S100Z: variants seen among roughly 807,000 people sequenced by gnomAD.
The protein encoded by S100Z is S100 calcium binding protein Z.
A neutral mutation model predicts 8.5 loss-of-function variants in S100Z; 11 were observed. The ratio of observed to expected loss-of-function variants is 1.30; its 90% CI spans 0.82 to 2.15. The LOEUF is 2.15. Among genes scored for constraint, S100Z ranks in the 30% most tolerant of loss-of-function variants. S100Z has a pLI of 0.00. For missense variants in S100Z, 126 were observed against 117.9 expected, an observed-to-expected ratio of 1.07 and a Z score of -0.32; for synonymous variants, 34 against 43.8, an observed-to-expected ratio of 0.78 and a Z score of 0.89.
At chr5:76,900,561 G>C (rs917327971) in intron 4 of S100Z, among the ~76,000 whole-genome samples, 1 of 151,992 alleles carries the variant, frequency 6.6e-6, no homozygotes, top group African/African-American at 2.4e-5. Flanking sequence ...TTTAGCTTCA[G>C]AATTTCTGCT....
chr5:76,865,112 G>A (rs1401678734), intron 1 of S100Z, among the ~76,000 whole-genome samples: 1 of 152,154 alleles, frequency 6.6e-6, no homozygotes, highest in Non-Finnish European at 1.5e-5. Context: ...TGTTATCACA[G>A]ATGCCAGCTC....
chr5:76,942,014 G>A, the S100Z span, among the ~76,000 whole-genome samples: 1 of 151,898 alleles, frequency 6.6e-6, no homozygotes, highest in Non-Finnish European at 1.5e-5. Flanking sequence ...AGTTGGTTCT[G>A]GATGTTTACT....
At chr5:76,896,170 G>A (rs867289549) in intron 4 of S100Z, among the ~76,000 whole-genome samples, 24 of 151,856 alleles carry the variant, frequency 1.6e-4, no homozygotes, top group East Asian at 3.9e-4. Flanking sequence ...CATCCCCACC[G>A]TCCTCCCCAA....
the S100Z span, among the ~76,000 whole-genome samples, chr5:76,949,282 G>A: frequency 3.9e-4 from 60 of 152,180 alleles, no homozygotes; most frequent in African/African-American, 1.3e-3. Flanking sequence ...CCAGCTACTC[G>A]GGAGGCTGAG....
At chr5:76,867,448 T>G (rs1319320790) in intron 1 of S100Z, among the ~76,000 whole-genome samples, 2 of 152,186 alleles carry the variant, frequency 1.3e-5, no homozygotes, top group Admixed American at 6.5e-5. Flanking sequence ...CCTGCCCGGT[T>G]GACAGGATGC....
intron 1 of S100Z, among the ~76,000 whole-genome samples, chr5:76,854,150 A>G (rs1310901699): frequency 6.6e-6 from 1 of 152,118 alleles, no homozygotes; most frequent in Non-Finnish European, 1.5e-5. Flanking sequence ...AGTCTCAAGT[A>G]TTTCTTTATA....
At chr5:76,937,752 CA>C in the S100Z span, among the ~76,000 whole-genome samples, 48 of 73,336 alleles carry the variant, frequency 6.5e-4, no homozygotes, top group African/African-American at 1.1e-3. Context: ...GACCCTGTCT[CA>C]AAAAAAAAAA....
chr5:76,952,076 C>G, the S100Z span, among the ~76,000 whole-genome samples: 1 of 152,118 alleles, frequency 6.6e-6, no homozygotes. Flanking sequence ...CTCATGTTTC[C>G]CACAGTTTTG....
chr5:76,865,543 G>A (rs13168922), intron 1 of S100Z, among the ~76,000 whole-genome samples: 91,144 of 150,360 alleles, frequency 0.61, 27,727 homozygotes, highest in East Asian at 0.67. Flanking sequence ...CACTGTACCC[G>A]GCCCATGTCC....
At position 76,921,270 on chromosome 5, in the gene S100Z, A is replaced by G. The variant is rs1745027544; in HGVS notation, c.*556A>G. ...AGTATTTTCATTGATATATCACAAT[A>G]TATTTACTCCAATTCCCTATTGCAT... On this transcript the variant is annotated 3_prime_UTR_variant, in exon 5 of 5. Transcript: ENST00000317593. The G allele has an allele frequency of 6.6e-6, 1 of 152,230 alleles. No individual in the cohort carries two copies. Among genetic ancestry groups the G allele is most frequent in the Non-Finnish European group, 1.5e-5 (1 of 68,042 alleles). The allele number at this position is 152,230 out of a possible 1,614,324, so 9.4% of individuals were successfully genotyped here. A position where few individuals can be genotyped will look rare whatever the true frequency, so the allele number is the denominator to read the frequency against.
downstream of S100Z, among the ~76,000 whole-genome samples, chr5:76,924,760 A>T (rs1326820166): frequency 1.3e-5 from 2 of 152,040 alleles, no homozygotes; most frequent in Non-Finnish European, 2.9e-5. Context: ...AAATACAAAA[A>T]TTAGCCGGGC....
intron 4 of S100Z, among the ~76,000 whole-genome samples, chr5:76,896,193 C>T (rs1379641666): frequency 6.6e-6 from 1 of 152,152 alleles, no homozygotes; most frequent in Non-Finnish European, 1.5e-5. Context: ...CCCTGCTACC[C>T]TTCCCAGTCT....
intron 4 of S100Z, among the ~76,000 whole-genome samples, chr5:76,915,180 C>T (rs192129722): frequency 6.6e-6 from 1 of 151,762 alleles, no homozygotes; most frequent in Non-Finnish European, 1.5e-5. Flanking sequence ...GTGGCAGTCA[C>T]CTGTAGTCCC....
intron 4 of S100Z, among the ~76,000 whole-genome samples, chr5:76,907,011 TATATATATATATACATATATATATAC>T: frequency 9.2e-6 from 1 of 108,682 alleles, no homozygotes; most frequent in South Asian, 2.7e-4. Context: ...TATATATATA[TATATATATATATACATATATATATAC>T]CAAATTTTCT....
At chr5:76,935,751 A>G in the S100Z span, among the ~76,000 whole-genome samples, 1 of 151,346 alleles carries the variant, frequency 6.6e-6, no homozygotes, top group African/African-American at 2.4e-5. Context: ...CTTTAAGTCT[A>G]AAGACTCAAA....
At chr5:76,936,659 CCAT>C in the S100Z span, among the ~76,000 whole-genome samples, 11 of 62,074 alleles carry the variant, frequency 1.8e-4, no homozygotes, top group East Asian at 3.2e-3. Flanking sequence ...ACACACACAA[CCAT>C]GAAGGAAACA....
intron 4 of S100Z, among the ~76,000 whole-genome samples, chr5:76,903,302 T>C (rs1186088896): frequency 6.6e-6 from 1 of 152,254 alleles, no homozygotes; most frequent in East Asian, 1.9e-4. Context: ...TTTTCCATCA[T>C]GTCATATAAA....
chr5:76,861,432 G>A (rs965411588), intron 1 of S100Z, among the ~76,000 whole-genome samples: 60 of 151,858 alleles, frequency 4.0e-4, no homozygotes, highest in African/African-American at 1.3e-3. Flanking sequence ...CTCTGCCCCC[G>A]GGTTCAAGTG....
At chr5:76,875,949 TAG>T (rs769578019) in intron 3 of S100Z, among the ~76,000 whole-genome samples, 4 of 152,114 alleles carry the variant, frequency 2.6e-5, no homozygotes, top group Admixed American at 6.6e-5. Flanking sequence ...GGCAAATACT[TAG>T]AGAGCTTTGT....
Sources: gnomAD v4.1 joint callset for allele counts (sites outside exome capture counted in the v4.1 genomes callset) on GRCh38, gnomAD v4.1.1 for gene constraint, MANE v1.5 for transcripts, NCBI Gene and HGNC (gene_info 2026-07-23, HGNC 2026-07-21) for gene names.